The following DAZL variants were observed in gnomAD, a reference collection of about 807,000 sequenced individuals.
The protein encoded by DAZL is deleted in azoospermia like.
DAZL carries 4 observed loss-of-function variants against 45.0 expected under a neutral mutation model. The ratio of observed to expected loss-of-function variants is 0.09; its 90% CI spans 0.04 to 0.20. DAZL has a LOEUF of 0.20. DAZL is among the 10% of genes least tolerant of loss of function. The probability of loss-of-function intolerance (pLI) is 1.00; values close to 1 mark genes in which losing one functional copy is unlikely to be tolerated. For synonymous variants in DAZL, 122 were observed against 112.4 expected (o/e 1.09, Z -0.54); for missense variants, 326 against 351.3 (o/e 0.93, Z 0.58).
rs1391422256 is a variant in DAZL at position 16,588,332 on chromosome 3, T to C, written c.*328A>G. On this transcript the variant is annotated 3_prime_UTR_variant, in exon 11 of 11. Coordinates refer to ENST00000399444, the MANE Select transcript of DAZL (RefSeq NM_001351.4). Reference sequence around the variant, plus strand: ...CCAACAAAATTCTGACCTTTCAAAATAGGTTTTTAAAAACATTTTTTTGAA... The same window carrying C: ...CCAACAAAATTCTGACCTTTCAAAACAGGTTTTTAAAAACATTTTTTTGAA... The C allele has an allele frequency of 2.2e-5, 7 of 318,280 alleles. No individual in the cohort carries two copies. The East Asian group carries it at 5.4e-4, about 24-fold the overall frequency. The allele number at this position is 318,280 out of a possible 1,614,324, so 19.7% of individuals were successfully genotyped here.
intron 10 of DAZL, among the ~76,000 whole-genome samples, chr3:16,589,637 G>C (rs1432821079): frequency 1.3e-5 from 2 of 152,168 alleles, no homozygotes; most frequent in African/African-American, 4.8e-5. Flanking sequence ...ACAACATGCA[G>C]TCAATCAAAA....
In DAZL at chr3:16,604,446, C is replaced by T. The variant is rs945927883; in HGVS notation, c.3+757G>A. ...GGTAACTGCTGAAACCAACCTCGTGCGGCAAAGATGGCGTCAGGCGAGCTT... is the reference window on the plus strand; with the variant it reads ...GGTAACTGCTGAAACCAACCTCGTGTGGCAAAGATGGCGTCAGGCGAGCTT... On this transcript the variant is annotated intron_variant, in intron 1 of 10. Coordinates refer to ENST00000399444, the MANE Select transcript of DAZL (RefSeq NM_001351.4). 25 of 1,531,256 alleles carry T rather than the reference C, an allele frequency of 1.6e-5. No homozygotes were observed. The African/African-American group carries it at 1.9e-4, about 12-fold the overall frequency. 94.9% of individuals were successfully genotyped at this position (1,531,256 alleles called of 1,614,324 possible).
intron 10 of DAZL, among the ~76,000 whole-genome samples, chr3:16,590,797 T>C (rs1486413067): frequency 6.6e-6 from 1 of 151,872 alleles, no homozygotes; most frequent in East Asian, 1.9e-4. Context: ...ATACATGAAA[T>C]GTCCAGGACA....
At position 16,587,135 on chromosome 3, in the gene DAZL, T is replaced by C. The variant is rs1192421059; in HGVS notation, c.*1525A>G. On this transcript the variant is annotated 3_prime_UTR_variant, in exon 11 of 11. Transcript: ENST00000399444. ...ATGGACAAATTCATAGTGCTTTCAA[T>C]TTCTGAGGTGTAATAAAGCCCTCTT... is the stretch of plus-strand genomic sequence containing the variant. 1.3e-5 allele frequency: 2 copies of C among 152,140 alleles called. No homozygotes were observed. Among genetic ancestry groups the C allele is most frequent in the African/African-American group, 4.8e-5 (2 of 41,436 alleles). 9.4% of individuals were successfully genotyped at this position (152,140 alleles called of 1,614,324 possible). A position where few individuals can be genotyped will look rare whatever the true frequency, so the allele number is the denominator to read the frequency against.
chr3:16,598,161 A>C lies in DAZL; in HGVS notation c.168T>G (p.Ile56Met), dbSNP rs1312038744. Residue 56 changes from isoleucine to methionine, a missense_variant, in exon 3 of 11, where the codon ATT becomes ATG. Physicochemically the swap from Ile to Met is conservative, Grantham distance 10 (BLOSUM62 1). Around this residue, in one of 3 missense-constraint regions of DAZL, gnomAD observed 81 missense variants for 89.6 expected, o/e 0.90. Transcript: ENST00000399444. ...GIDVRMDETE[I>M]RSFFARYGSV... ...AACCATATCTAGCAAAGAAGCTTCT[A>C]ATCTCAGTTTCATCCATCTATGGAA... is the stretch of plus-strand genomic sequence containing the variant. 2 of 1,598,608 alleles carry C rather than the reference A, an allele frequency of 1.3e-6. No homozygotes were observed. The highest frequency in any genetic ancestry group is 4.5e-5 in the East Asian group (2 of 44,488).
chr3:16,598,900 C>T lies in DAZL; in HGVS notation c.4-302G>A, dbSNP rs140033957. Among the ~76,000 whole-genome samples, 499 of 151,910 alleles carry T rather than the reference C, an allele frequency of 3.3e-3. 8 individuals carry two copies. Among genetic ancestry groups the T allele is most frequent in the African/African-American group, 0.011 (473 of 41,432 alleles). On this transcript the variant is annotated intron_variant, in intron 1 of 10. Coordinates refer to ENST00000399444, the MANE Select transcript of DAZL (RefSeq NM_001351.4). ...CCAGGTTCAAGCGATTCTCCTGCCT[C>T]AGCCTCCTGAGTAGCTGGGATTACA...
chr3:16,594,958 C>T (rs6787063), intron 7 of DAZL, among the ~76,000 whole-genome samples: 4 of 151,726 alleles, frequency 2.6e-5, no homozygotes, highest in East Asian at 3.9e-4. Flanking sequence ...ATTCTGTGCT[C>T]TAAGAATTGG....
Position 16,598,520 on chromosome 3 carries a change from G to T in DAZL, c.82C>A (p.Gln28Lys). 1 of 1,607,494 alleles carries T rather than the reference G, an allele frequency of 6.2e-7. No homozygotes were observed. Among genetic ancestry groups the T allele is most frequent in the East Asian group, 2.2e-5 (1 of 44,822 alleles). ...STQSSSAATS[Q>K]GYILPEGKIM... is the part of the protein sequence containing the mutation. ...TTGCCTTCTGGTAAAATATAGCCTTGGCTGGTTGCAGCTGATGAGGACTGG... is the reference window on the plus strand; with the variant it reads ...TTGCCTTCTGGTAAAATATAGCCTTTGCTGGTTGCAGCTGATGAGGACTGG... The change falls in exon 2 of 11, where the codon CAA becomes AAA. Residue 28 changes from glutamine to lysine, a missense_variant. Gln to Lys is a moderately conservative substitution (Grantham distance 53). Around this residue, in one of 3 missense-constraint regions of DAZL, gnomAD observed 81 missense variants for 89.6 expected, o/e 0.90. Transcript: ENST00000399444.
At chr3:16,594,149 A>C (rs1262769868) in intron 8 of DAZL, among the ~76,000 whole-genome samples, 2 of 152,244 alleles carry the variant, frequency 1.3e-5, no homozygotes, top group Non-Finnish European at 2.9e-5. Context: ...AATTAACAGC[A>C]AAACATTTCT....
intron 1 of DAZL, chr3:16,604,315 A>T: frequency 1.2e-6 from 1 of 835,512 alleles, no homozygotes; most frequent in Non-Finnish European, 1.8e-6. Context: ...ACTCACAAAA[A>T]CGCACACCCA....
In DAZL at chr3:16,588,519, A is replaced by C. The variant is rs1270630227; in HGVS notation, c.*141T>G. ...TCTAATGAAGAACAGTTTAAGATAAAACTAGAGAGTCTAATAATACAACTT... is the reference window on the plus strand; with the variant it reads ...TCTAATGAAGAACAGTTTAAGATAACACTAGAGAGTCTAATAATACAACTT... On this transcript the variant is annotated 3_prime_UTR_variant, in exon 11 of 11. Coordinates refer to ENST00000399444, the MANE Select transcript of DAZL (RefSeq NM_001351.4). 5 of 725,390 alleles carry C rather than the reference A, an allele frequency of 6.9e-6. No homozygotes were observed. The highest frequency in any genetic ancestry group is 1.0e-5 in the Non-Finnish European group (4 of 392,524). 44.9% of individuals were successfully genotyped at this position (725,390 alleles called of 1,614,324 possible).
chr3:16,605,372 G>T lies in DAZL; in HGVS notation c.-167C>A. The T allele has an allele frequency of 1.2e-6, 1 of 826,670 alleles. No individual in the cohort carries two copies. The highest frequency in any genetic ancestry group is 2.0e-6 in the Non-Finnish European group (1 of 489,800). 51.2% of individuals were successfully genotyped at this position (826,670 alleles called of 1,614,324 possible). ...AAGGAAAACCAAGAGCGGGTGACAA[G>T]GCTGAGGAGCCCCGAAAGGCGGACC... On this transcript the variant is annotated 5_prime_UTR_variant, in exon 1 of 11. Transcript: ENST00000399444.
rs151277042 is a variant in DAZL at position 16,592,556 on chromosome 3, G to A, written c.736-408C>T. ...TGCACTCCAGCCTGGGCAACACAGCGAGACTCTGTCTTGGGGAAAAAAAAA... is the reference window on the plus strand; with the variant it reads ...TGCACTCCAGCCTGGGCAACACAGCAAGACTCTGTCTTGGGGAAAAAAAAA... On this transcript the variant is annotated intron_variant, in intron 9 of 10. Transcript: ENST00000399444. 2.9e-3 allele frequency among the ~76,000 whole-genome samples: 416 copies of A among 143,056 alleles called. 6 individuals carry two copies. The highest frequency in any genetic ancestry group is 9.9e-3 in the African/African-American group (379 of 38,422). 93.9% of individuals were successfully genotyped at this position (143,056 alleles called of 152,430 possible).
At chr3:16,595,224 A>G in intron 7 of DAZL, 90 bp downstream of exon 7, 1 of 755,220 alleles carries the variant, frequency 1.3e-6, no homozygotes, top group Non-Finnish European at 2.1e-6. Context: ...CACTAGTTTA[A>G]AATGACAAAC....
rs116521844 is a variant in DAZL, at chr3:16,589,780, G to C, written c.835-1067C>G. On this transcript the variant is annotated intron_variant, in intron 10 of 10. Transcript: ENST00000399444. Reference sequence around the variant, plus strand: ...GAACTCAAGTTTCAAAACTCCTTCTGGGCTGGGCATGGTGGCTCACGCCTG... The same window carrying C: ...GAACTCAAGTTTCAAAACTCCTTCTCGGCTGGGCATGGTGGCTCACGCCTG... Among the ~76,000 whole-genome samples, 885 of 152,072 alleles carry C rather than the reference G, an allele frequency of 5.8e-3. 6 individuals are homozygous for C. The highest frequency in any genetic ancestry group is 0.02 in the African/African-American group (837 of 41,500).
intron 9 of DAZL, among the ~76,000 whole-genome samples, chr3:16,592,397 C>G (rs776232057): frequency 6.6e-6 from 1 of 151,864 alleles, no homozygotes. Flanking sequence ...GAAACCCCAT[C>G]TCTACTAAAA....
chr3:16,592,107 C>A lies in DAZL; in HGVS notation c.777G>T (p.Leu259=), dbSNP rs1471192548. Reference sequence around the variant, plus strand: ...TTCTCAGTCTGTTCTCTGGATTAAACAGACAAGATACCACCGTTTGTATGC... The same window carrying A: ...TTCTCAGTCTGTTCTCTGGATTAAAAAGACAAGATACCACCGTTTGTATGC... The part of the protein sequence containing the change: ...DRSIQTVVSC[L]FNPENRLRNS... The change falls in exon 10 of 11, where the codon CTG becomes CTT. Residue 259 remains leucine (L), a synonymous_variant. Coordinates refer to ENST00000399444, the MANE Select transcript of DAZL (RefSeq NM_001351.4). 6.2e-7 allele frequency: 1 copy of A among 1,613,828 alleles called. No homozygotes were observed. The highest frequency in any genetic ancestry group is 8.5e-7 in the Non-Finnish European group (1 of 1,179,872).
At chr3:16,600,099 C>A (rs1559404430) in intron 1 of DAZL, among the ~76,000 whole-genome samples, 1 of 152,032 alleles carries the variant, frequency 6.6e-6, no homozygotes, top group Non-Finnish European at 1.5e-5. Flanking sequence ...AACTATGAAA[C>A]ATCATTAATT....
At chr3:16,604,935 C>G in intron 1 of DAZL, 2 of 685,482 alleles carry the variant, frequency 2.9e-6, no homozygotes, top group Non-Finnish European at 4.9e-6. Context: ...GGCCGTGGCC[C>G]TTGCACGTGG....
Sources: allele counts gnomAD v4.1 joint callset (sites outside exome capture counted in the v4.1 genomes callset), GRCh38; gene constraint gnomAD v4.1.1; regional missense constraint gnomAD v4.1.1; transcripts MANE v1.5; gene names NCBI Gene and HGNC (gene_info 2026-07-23, HGNC 2026-07-21).